Variants in DRC2 observed in about 807,000 individuals in gnomAD.
DRC2 encodes coiled-coil domain containing 65.
chr12:48,915,543 C>T, the DRC2 span, among the ~76,000 whole-genome samples: 1 of 151,888 alleles, frequency 6.6e-6, no homozygotes, highest in Non-Finnish European at 1.5e-5. Flanking sequence ...CATCCGATTT[C>T]TCAATCTTTT....
the DRC2 span, among the ~76,000 whole-genome samples, chr12:48,914,131 G>T: frequency 5.3e-5 from 8 of 151,486 alleles, no homozygotes; most frequent in Non-Finnish European, 1.2e-4. Flanking sequence ...AGATGGGGGG[G>T]TCTCATTATG....
At chr12:48,915,651 C>T in the DRC2 span, among the ~76,000 whole-genome samples, 1 of 151,998 alleles carries the variant, frequency 6.6e-6, no homozygotes, top group Admixed American at 6.6e-5. Context: ...GGGGTGGTGG[C>T]CGGGCAGAGG....
chr12:48,920,230 T>C, the DRC2 span, among the ~76,000 whole-genome samples: 12 of 149,240 alleles, frequency 8.0e-5, no homozygotes, highest in South Asian at 2.3e-3. Context: ...TTACTTGAGG[T>C]TGGGAGTTCG....
At chr12:48,917,216 C>A in the DRC2 span, 2 of 1,299,836 alleles carry the variant, frequency 1.5e-6, no homozygotes, top group Non-Finnish European at 2.2e-6. Flanking sequence ...CTTGGTAGGC[C>A]AAGGCAGGAG....
the DRC2 span, chr12:48,904,958 AAGG>A: frequency 1.2e-4 from 200 of 1,604,022 alleles, no homozygotes; most frequent in Non-Finnish European, 1.6e-4. Flanking sequence ...CAAGCTGGCC[AAGG>A]AGGAACACAA....
the DRC2 span, among the ~76,000 whole-genome samples, chr12:48,909,918 C>A: frequency 2.0e-5 from 3 of 151,474 alleles, no homozygotes; most frequent in Non-Finnish European, 4.4e-5. Context: ...ATAGCTGGGA[C>A]TACAGGTGTG....
At chr12:48,914,339 T>A in the DRC2 span, 1 of 1,471,318 alleles carries the variant, frequency 6.8e-7, no homozygotes, top group Non-Finnish European at 9.1e-7. Flanking sequence ...GCCAGCTGAA[T>A]ATATTTTTAT....
At chr12:48,920,590 C>T in the DRC2 span, among the ~76,000 whole-genome samples, 5 of 146,574 alleles carry the variant, frequency 3.4e-5, no homozygotes, top group Non-Finnish European at 6.0e-5. Flanking sequence ...GGCACCATCT[C>T]GTCTCACTCC....
At chr12:48,911,038 T>C in the DRC2 span, among the ~76,000 whole-genome samples, 1 of 152,166 alleles carries the variant, frequency 6.6e-6, no homozygotes, top group Non-Finnish European at 1.5e-5. Flanking sequence ...TATTTTCCCA[T>C]AAAGAGCTTC....
the DRC2 span, chr12:48,917,108 G>A: frequency 5.6e-6 from 9 of 1,613,840 alleles, no homozygotes; most frequent in Non-Finnish European, 7.6e-6. Context: ...TCAAAAACAT[G>A]GTACGGAGGG....
the DRC2 span, chr12:48,905,002 A>G: frequency 6.2e-7 from 1 of 1,613,972 alleles, no homozygotes; most frequent in Non-Finnish European, 8.5e-7. Context: ...AGATTAACAC[A>G]CAGTGGAGAA....
chr12:48,921,138 C>T, the DRC2 span: 1 of 1,611,878 alleles, frequency 6.2e-7, no homozygotes, highest in African/African-American at 1.3e-5. Context: ...GGTCTCGCTG[C>T]ACACCTTCTC....
chr12:48,904,540 C>A, the DRC2 span: 1 of 1,537,918 alleles, frequency 6.5e-7, no homozygotes, highest in East Asian at 2.3e-5. Context: ...CTGAGGAAAC[C>A]TCATTTTCAT....
the DRC2 span, among the ~76,000 whole-genome samples, chr12:48,906,579 C>T: frequency 6.6e-6 from 1 of 151,852 alleles, no homozygotes. Flanking sequence ...CCACCACGCC[C>T]AGCCACTGAG....
chr12:48,915,980 A>G, the DRC2 span, among the ~76,000 whole-genome samples: 98 of 121,086 alleles, frequency 8.1e-4, no homozygotes, highest in South Asian at 3.4e-3. Context: ...GGGCAGAGGC[A>G]CTCCCCACAT....
chr12:48,914,456 G>A, the DRC2 span: 16 of 1,613,464 alleles, frequency 9.9e-6, no homozygotes, highest in East Asian at 1.3e-4. Flanking sequence ...CATGCCCTGC[G>A]CAGCCACTTG....
chr12:48,910,591 A>G, the DRC2 span, among the ~76,000 whole-genome samples: 42 of 152,218 alleles, frequency 2.8e-4, no homozygotes, highest in Non-Finnish European at 5.6e-4. Flanking sequence ...AAAATTCAAA[A>G]GAAAAAAAGG....
At chr12:48,912,188 G>C in the DRC2 span, among the ~76,000 whole-genome samples, 24 of 152,016 alleles carry the variant, frequency 1.6e-4, no homozygotes, top group Admixed American at 1.6e-3. Context: ...TTGAACCTGT[G>C]GGGAGGAGGT....
the DRC2 span, among the ~76,000 whole-genome samples, chr12:48,915,925 T>G: frequency 1.3e-4 from 18 of 133,742 alleles, no homozygotes; most frequent in East Asian, 4.5e-4. Flanking sequence ...CCAGACGGGG[T>G]GGCGGCCGGG....
Sources: allele counts gnomAD v4.1 joint callset (sites outside exome capture counted in the v4.1 genomes callset), GRCh38; gene constraint gnomAD v4.1.1; transcripts MANE v1.5; gene names NCBI Gene and HGNC (gene_info 2026-07-23, HGNC 2026-07-21).